The following SAXO4 variants were observed in gnomAD, a reference collection of about 807,000 sequenced individuals.
SAXO4 encodes stabilizer of axonemal microtubules 4.
chr11:61,485,434 C>T, the SAXO4 span: 1 of 1,590,508 alleles, frequency 6.3e-7, no homozygotes, highest in Admixed American at 1.7e-5. Flanking sequence ...GCTCCCTTCC[C>T]ATCTTCCAAT....
chr11:61,482,053 C>A, the SAXO4 span: 1 of 700,136 alleles, frequency 1.4e-6, no homozygotes, highest in South Asian at 1.7e-5. Context: ...CTGGGCCCTG[C>A]CCGGCTGCTC....
chr11:61,489,544 G>T, the SAXO4 span: 8 of 590,914 alleles, frequency 1.4e-5, no homozygotes, highest in African/African-American at 3.7e-5. Flanking sequence ...AGGGACAGGG[G>T]CATCACTGAA....
chr11:61,488,056 A>T, the SAXO4 span, among the ~76,000 whole-genome samples: 1 of 144,516 alleles, frequency 6.9e-6, no homozygotes, highest in Non-Finnish European at 1.5e-5. Flanking sequence ...GCGTGATCTC[A>T]GCTCACCGCA....
At chr11:61,486,457 A>G in the SAXO4 span, 2 of 1,613,040 alleles carry the variant, frequency 1.2e-6, no homozygotes, top group South Asian at 1.1e-5. Flanking sequence ...CAGTTAGAAC[A>G]TGGCTCTGGA....
chr11:61,482,010 C>T, the SAXO4 span: 1 of 878,950 alleles, frequency 1.1e-6, no homozygotes, highest in South Asian at 1.5e-5. Flanking sequence ...CTGGCTGTCA[C>T]ACTGCAGAGC....
the SAXO4 span, chr11:61,484,799 C>A: frequency 3.1e-6 from 5 of 1,600,314 alleles, no homozygotes; most frequent in African/African-American, 6.7e-5. Context: ...CCCGCTGGAG[C>A]GGGAGAACTT....
the SAXO4 span, among the ~76,000 whole-genome samples, chr11:61,483,512 C>T: frequency 6.6e-6 from 1 of 152,172 alleles, no homozygotes; most frequent in South Asian, 2.1e-4. Flanking sequence ...TTCTTATCAT[C>T]AGCACCACCA....
chr11:61,482,953 T>G, the SAXO4 span: 1 of 858,214 alleles, frequency 1.2e-6, no homozygotes. Flanking sequence ...TTTCTCCCCT[T>G]TGTCCTCATC....
chr11:61,484,640 G>A, the SAXO4 span: 7 of 1,605,098 alleles, frequency 4.4e-6, no homozygotes, highest in Non-Finnish European at 5.1e-6. Flanking sequence ...GCAGAGTCAG[G>A]GAGTGACTGC....
At chr11:61,489,993 G>T in the SAXO4 span, 1 of 1,552,598 alleles carries the variant, frequency 6.4e-7, no homozygotes, top group Non-Finnish European at 8.7e-7. Flanking sequence ...CCTCATCCAG[G>T]CCGTGTGCCA....
the SAXO4 span, chr11:61,489,723 A>G: frequency 6.4e-7 from 1 of 1,566,984 alleles, no homozygotes; most frequent in East Asian, 2.2e-5. Flanking sequence ...GAAGGGCAGC[A>G]GGGGTTGCAG....
the SAXO4 span, chr11:61,485,264 CA>C: frequency 6.6e-6 from 9 of 1,355,522 alleles, no homozygotes; most frequent in Admixed American, 3.4e-5. Flanking sequence ...ACCGAGGCGC[CA>C]CTCCACCGCC....
the SAXO4 span, chr11:61,486,463 C>G: frequency 1.2e-6 from 2 of 1,613,076 alleles, no homozygotes; most frequent in South Asian, 1.1e-5. Context: ...GAACATGGCT[C>G]TGGAAGGTGG....
the SAXO4 span, among the ~76,000 whole-genome samples, chr11:61,488,376 C>T: frequency 2.0e-5 from 3 of 148,274 alleles, no homozygotes; most frequent in Admixed American, 2.1e-4. Flanking sequence ...GCGATCTCGG[C>T]TCACTGCAAA....
the SAXO4 span, chr11:61,489,691 G>A: frequency 7.3e-7 from 1 of 1,368,538 alleles, no homozygotes; most frequent in Non-Finnish European, 1.0e-6. Flanking sequence ...TGGGGAGGCT[G>A]GGCGATCTGA....
the SAXO4 span, chr11:61,490,479 C>G: frequency 5.9e-5 from 95 of 1,610,412 alleles, no homozygotes; most frequent in South Asian, 9.7e-4. Flanking sequence ...ACCCCCAACA[C>G]TCTCCTCTTG....
chr11:61,482,189 C>G, the SAXO4 span: 1 of 843,086 alleles, frequency 1.2e-6, no homozygotes, highest in Non-Finnish European at 1.9e-6. Context: ...AGCTCCTGCC[C>G]GTGGCTCTGA....
At chr11:61,486,528 A>G in the SAXO4 span, 2 of 1,613,996 alleles carry the variant, frequency 1.2e-6, no homozygotes, top group South Asian at 2.2e-5. Flanking sequence ...CTCCAGGGAG[A>G]TGAGTTCCTA....
chr11:61,489,871 G>A, the SAXO4 span: 1 of 1,613,846 alleles, frequency 6.2e-7, no homozygotes, highest in Non-Finnish European at 8.5e-7. Flanking sequence ...TACGCCCTCA[G>A]CCAGCCGGTC....
Sources: gnomAD v4.1 joint callset for allele counts (sites outside exome capture counted in the v4.1 genomes callset) on GRCh38, gnomAD v4.1.1 for gene constraint, MANE v1.5 for transcripts, NCBI Gene and HGNC (gene_info 2026-07-23, HGNC 2026-07-21) for gene names.